Variants in MORC1 observed in about 807,000 individuals in gnomAD.
MORC1 encodes MORC family CW-type zinc finger 1, also known as MORC family CW-type zinc finger protein 1.
A neutral mutation model predicts 134.9 loss-of-function variants in MORC1; 59 were observed. The ratio of observed to expected loss-of-function variants is 0.44; its 90% confidence interval spans 0.35 to 0.54. MORC1 has a LOEUF of 0.54. MORC1 is among the 20% of genes least tolerant of loss of function. The pLI is 0.00. For synonymous variants in MORC1, 395 were observed against 391.7 expected (o/e 1.01, Z -0.10); for missense variants, 947 against 1,134.5 (o/e 0.83, Z 2.37).
intron 2 of MORC1, among the ~76,000 whole-genome samples, chr3:109,111,061 A>AAAC (rs1951158430): frequency 6.6e-6 from 1 of 150,622 alleles, no homozygotes; most frequent in African/African-American, 2.4e-5. Context: ...AAAAAAAAAA[A>AAAC]AAAAAAACAA....
At chr3:108,999,378 C>A (rs1348123181) in intron 21 of MORC1, among the ~76,000 whole-genome samples, 2 of 152,224 alleles carry the variant, frequency 1.3e-5, no homozygotes, top group East Asian at 1.9e-4. Context: ...AGGCTGGCCA[C>A]AAGTTGGTAA....
intron 17 of MORC1, among the ~76,000 whole-genome samples, chr3:109,015,729 T>C (rs916798938): frequency 1.3e-5 from 2 of 152,210 alleles, no homozygotes; most frequent in African/African-American, 4.8e-5. Flanking sequence ...TTCCAGTCCA[T>C]TCCCAATTCT....
At chr3:108,993,843 T>C (rs1948129149) in intron 21 of MORC1, among the ~76,000 whole-genome samples, 1 of 152,244 alleles carries the variant, frequency 6.6e-6, no homozygotes, top group African/African-American at 2.4e-5. Flanking sequence ...CTCATTGTTA[T>C]GATTCGCTAT....
In MORC1 at chr3:108,958,898, A is replaced by C; in HGVS notation, c.*67T>G. 8.3e-7 allele frequency: 1 copy of C among 1,210,576 alleles called. No individual in the cohort carries two copies. The highest frequency in any genetic ancestry group is 1.1e-6 in the Non-Finnish European group (1 of 901,204). The allele number at this position is 1,210,576 out of a possible 1,614,324, so 75.0% of individuals were successfully genotyped here. ...CTTTACAGTAACAACAACAAAAAAGAAAAATTTTTAAAAGAATCTTCCAAT... is the reference window on the plus strand; with the variant it reads ...CTTTACAGTAACAACAACAAAAAAGCAAAATTTTTAAAAGAATCTTCCAAT... On this transcript the variant is annotated 3_prime_UTR_variant, in exon 28 of 28. Coordinates refer to ENST00000232603, the MANE Select transcript of MORC1 (RefSeq NM_014429.4).
intron 14 of MORC1, among the ~76,000 whole-genome samples, chr3:109,047,836 T>A (rs903877019): frequency 6.6e-6 from 1 of 152,190 alleles, no homozygotes; most frequent in Non-Finnish European, 1.5e-5. Context: ...TTTTTCCTTA[T>A]AGAAGTATTA....
At chr3:109,039,706 G>GA (rs1253300097) in intron 14 of MORC1, among the ~76,000 whole-genome samples, 8 of 152,042 alleles carry the variant, frequency 5.3e-5, no homozygotes, top group African/African-American at 1.9e-4. Context: ...AGGGTGGGGA[G>GA]AAAAAAAGAC....
chr3:109,032,107 C>T (rs560267720), intron 16 of MORC1, among the ~76,000 whole-genome samples: 2 of 152,164 alleles, frequency 1.3e-5, no homozygotes, highest in Non-Finnish European at 2.9e-5. Context: ...TATTGATTCA[C>T]GTATCCAGCT....
chr3:108,996,925 G>A (rs891672430), intron 21 of MORC1, among the ~76,000 whole-genome samples: 2 of 150,352 alleles, frequency 1.3e-5, no homozygotes, highest in African/African-American at 4.9e-5. Flanking sequence ...CAGGAGAATG[G>A]CGTGAACCTG....
intron 23 of MORC1, among the ~76,000 whole-genome samples, chr3:108,980,382 A>G (rs987497165): frequency 6.6e-6 from 1 of 152,124 alleles, no homozygotes; most frequent in Admixed American, 6.5e-5. Flanking sequence ...CACCTTTACA[A>G]CCTATTTCTG....
At chr3:109,110,666 T>C (rs1471435470) in intron 3 of MORC1, 83 bp downstream of exon 3, 10 of 1,203,210 alleles carry the variant, frequency 8.3e-6, no homozygotes, top group Non-Finnish European at 1.2e-5. Context: ...GAATGTGGTT[T>C]TATTTCATGA....
intron 17 of MORC1, among the ~76,000 whole-genome samples, chr3:109,025,508 A>T (rs1162098996): frequency 6.6e-6 from 1 of 150,406 alleles, no homozygotes; most frequent in African/African-American, 2.5e-5. Context: ...CAGCCTCTGA[A>T]GTAGCTGGGA....
intron 24 of MORC1, among the ~76,000 whole-genome samples, chr3:108,976,830 A>G (rs767506020): frequency 1.3e-5 from 2 of 152,190 alleles, no homozygotes; most frequent in African/African-American, 2.4e-5. Context: ...GGAAATTTTA[A>G]TTTTCTAGTG....
At chr3:109,055,646 C>T (rs1412016282) in intron 13 of MORC1, among the ~76,000 whole-genome samples, 3 of 152,184 alleles carry the variant, frequency 2.0e-5, no homozygotes, top group Non-Finnish European at 4.4e-5. Flanking sequence ...TCTTTTTGCA[C>T]TGGATGCTCA....
chr3:108,994,764 G>A (rs1034610422), intron 21 of MORC1, among the ~76,000 whole-genome samples: 1 of 151,858 alleles, frequency 6.6e-6, no homozygotes, highest in African/African-American at 2.4e-5. Flanking sequence ...TGCTGGCATC[G>A]GTAATTTTAT....
chr3:108,966,312 C>T (rs1947219054), intron 26 of MORC1, among the ~76,000 whole-genome samples: 1 of 152,162 alleles, frequency 6.6e-6, no homozygotes, highest in Non-Finnish European at 1.5e-5. Context: ...GGAGCTCTAG[C>T]AGTTTTGCAG....
At chr3:108,976,008 T>G (rs748615170) in intron 24 of MORC1, among the ~76,000 whole-genome samples, 1 of 152,212 alleles carries the variant, frequency 6.6e-6, no homozygotes, top group Non-Finnish European at 1.5e-5. Context: ...TATGCTGATA[T>G]ATGTTAGACA....
At chr3:109,101,852 G>A (rs1169014530) in intron 4 of MORC1, among the ~76,000 whole-genome samples, 1 of 152,078 alleles carries the variant, frequency 6.6e-6, no homozygotes, top group Non-Finnish European at 1.5e-5. Context: ...GCTGATAGAG[G>A]GTACAGCTAG....
At position 109,046,587 on chromosome 3, in the gene MORC1, T is replaced by C. The variant is rs375844148; in HGVS notation, c.1330+8141A>G. On this transcript the variant is annotated intron_variant, in intron 14 of 27. Coordinates refer to ENST00000232603, the MANE Select transcript of MORC1 (RefSeq NM_014429.4). Reference sequence around the variant, plus strand: ...ACTAGAACTCTCCTTACTCAAGATATACATGAAGCCTACTGACTAAACTAA... The same window carrying C: ...ACTAGAACTCTCCTTACTCAAGATACACATGAAGCCTACTGACTAAACTAA... Among the ~76,000 whole-genome samples the C allele has an allele frequency of 2.8e-4, 43 of 152,308 alleles. 1 individual carries two copies. In the East Asian group the frequency reaches 5.8e-3, roughly 20 times the overall value.
intron 21 of MORC1, among the ~76,000 whole-genome samples, chr3:108,992,810 C>T (rs148850923): frequency 1.2e-3 from 176 of 152,288 alleles, no homozygotes; most frequent in African/African-American, 4.1e-3. Context: ...CTATCTTCCA[C>T]ATAAGCTCAC....
Sources: allele counts gnomAD v4.1 joint callset (sites outside exome capture counted in the v4.1 genomes callset), GRCh38; gene constraint gnomAD v4.1.1; transcripts MANE v1.5; gene names NCBI Gene and HGNC (gene_info 2026-07-23, HGNC 2026-07-21).